DNAH11: variants seen among roughly 807,000 people sequenced by gnomAD.
DNAH11 encodes dynein axonemal heavy chain 11.
DNAH11 carries 442 observed loss-of-function variants against 526.0 expected under a neutral mutation model. The observed-to-expected ratio is 0.84, with a 90% confidence interval of 0.78 to 0.91. The LOEUF (loss-of-function observed/expected upper bound fraction) is 0.91. Ranked by LOEUF, DNAH11 falls within the 40% of genes least tolerant of loss-of-function variation. The pLI, the probability that DNAH11 is intolerant of heterozygous loss-of-function variation, is 0.00. For synonymous variants in DNAH11, 2,461 were observed against 1,935.9 expected (o/e 1.27, Z -7.12); for missense variants, 6,989 against 5,448.7 (o/e 1.28, Z -8.90).
chr7:21,559,341 A>T (rs1357140922), intron 3 of DNAH11, among the ~76,000 whole-genome samples: 1 of 152,226 alleles, frequency 6.6e-6, no homozygotes, highest in Non-Finnish European at 1.5e-5. Flanking sequence ...AAACTGTAGT[A>T]ATTGCCATGC....
rs1178187217 is a variant in DNAH11 at position 21,600,085 on chromosome 7, G to T, written c.2966G>T (p.Arg989Leu). ...NSFRMSAQMNRIATHLEIKNY... is the reference protein window; with the variant it reads ...NSFRMSAQMNLIATHLEIKNY... ...TTTAGAATGTCTGCCCAGATGAACCGAATAGCAACACACCTGGAAATTAAA... is the reference window on the plus strand; with the variant it reads ...TTTAGAATGTCTGCCCAGATGAACCTAATAGCAACACACCTGGAAATTAAA... Residue 989 changes from arginine (R) to leucine (L), a missense_variant, in exon 15 of 82, where the codon CGA becomes CTA. Arg to Leu is a moderately radical substitution (Grantham distance 102). Coordinates refer to ENST00000409508, the MANE Select transcript of DNAH11 (RefSeq NM_001277115.2). 6.4e-7 allele frequency: 1 copy of T among 1,566,766 alleles called. No homozygotes were observed. Among genetic ancestry groups the T allele is most frequent in the African/African-American group, 1.4e-5 (1 of 73,650 alleles).
intron 18 of DNAH11, among the ~76,000 whole-genome samples, chr7:21,603,981 G>A (rs536040323): frequency 2.6e-5 from 4 of 152,276 alleles, no homozygotes; most frequent in African/African-American, 7.2e-5. Context: ...CAGTAATTTA[G>A]ACTTGTCAGG....
At chr7:21,652,455 G>A (rs540098456) in intron 28 of DNAH11, among the ~76,000 whole-genome samples, 1 of 152,342 alleles carries the variant, frequency 6.6e-6, no homozygotes, top group South Asian at 2.1e-4. Flanking sequence ...AAGATGAGAA[G>A]GAGGCAATGC....
At chr7:21,642,269 T>C (rs545975364) in intron 28 of DNAH11, among the ~76,000 whole-genome samples, 7 of 149,872 alleles carry the variant, frequency 4.7e-5, no homozygotes, top group Admixed American at 3.3e-4. Flanking sequence ...TAGAAGTGTT[T>C]AGCAGCCTTT....
chr7:21,878,688 C>T (rs954223931), intron 74 of DNAH11, among the ~76,000 whole-genome samples: 3 of 151,964 alleles, frequency 2.0e-5, no homozygotes, highest in South Asian at 2.1e-4. Context: ...ATTCTAGAAC[C>T]GTATTTGGTG....
intron 62 of DNAH11, among the ~76,000 whole-genome samples, chr7:21,803,057 CTG>C (rs1480546933): frequency 2.0e-5 from 3 of 151,748 alleles, no homozygotes; most frequent in Non-Finnish European, 2.9e-5. Context: ...AGTATAAAGT[CTG>C]TAACTACACT....
intron 44 of DNAH11, among the ~76,000 whole-genome samples, chr7:21,723,080 T>A (rs1784944982): frequency 6.6e-6 from 1 of 152,212 alleles, no homozygotes; most frequent in African/African-American, 2.4e-5. Flanking sequence ...AAAAGGGCTC[T>A]AACTACAGAG....
At chr7:21,780,776 C>A (rs1374089970) in intron 57 of DNAH11, among the ~76,000 whole-genome samples, 1 of 152,110 alleles carries the variant, frequency 6.6e-6, no homozygotes, top group Non-Finnish European at 1.5e-5. Flanking sequence ...TTCATTTTAT[C>A]CATGGAGCTG....
Position 21,875,877 on chromosome 7 carries a change from C to CTTTTTT in DNAH11, c.12195+2395_12195+2400dup, listed in dbSNP as rs35349937. Reference sequence around the variant, plus strand: ...TTAGGAACTTCAAGGAAGAATATTTCTTTTTTTTTTTTTTTTTTTTTTTTG... The same window carrying CTTTTTT: ...TTAGGAACTTCAAGGAAGAATATTTCTTTTTTTTTTTTTTTTTTTTTTTTTTTTTTG... On this transcript the variant is annotated intron_variant, in intron 74 of 81. Coordinates refer to ENST00000409508, the MANE Select transcript of DNAH11 (RefSeq NM_001277115.2). Among the ~76,000 whole-genome samples, 36 of 78,916 alleles carry CTTTTTT rather than the reference C, an allele frequency of 4.6e-4. 3 individuals are homozygous for CTTTTTT. The highest frequency in any genetic ancestry group is 6.9e-4 in the African/African-American group (13 of 18,956). The allele number at this position is 78,916 out of a possible 152,430, so 51.8% of individuals were successfully genotyped here. A position where few individuals can be genotyped will look rare whatever the true frequency, so the allele number is the denominator to read the frequency against.
intron 30 of DNAH11, among the ~76,000 whole-genome samples, chr7:21,670,675 C>T (rs1782609162): frequency 1.3e-5 from 2 of 152,116 alleles, no homozygotes; most frequent in South Asian, 4.2e-4. Context: ...TGGAGATGCC[C>T]CTTATCAGAT....
Position 21,807,907 on chromosome 7 carries a change from T to C in DNAH11, c.10190T>C (p.Ile3397Thr). The change falls in exon 63 of 82, where the codon ATT becomes ACT. Residue 3397 changes from isoleucine (I) to threonine (T), a missense_variant. Transcript: ENST00000409508. ...GAGAAGATTCGCTGGGGTCAATCCATTAAGTCCTTTGAAGCTCAAGAGAAG... is the reference window on the plus strand; with the variant it reads ...GAGAAGATTCGCTGGGGTCAATCCACTAAGTCCTTTGAAGCTCAAGAGAAG... Reference protein sequence around the residue: ...EAKKIRWGQSIKSFEAQEKTL... With the variant: ...EAKKIRWGQSTKSFEAQEKTL... 6.2e-7 allele frequency: 1 copy of C among 1,605,828 alleles called. No individual in the cohort carries two copies. Among genetic ancestry groups the C allele is most frequent in the Non-Finnish European group, 8.5e-7 (1 of 1,173,808 alleles).
intron 25 of DNAH11, among the ~76,000 whole-genome samples, chr7:21,630,281 G>A (rs6961206): frequency 0.55 from 83,667 of 151,824 alleles, 23,456 homozygotes; most frequent in Middle Eastern, 0.68. Context: ...TCTCTTAACC[G>A]TTTGCTGTAG....
At chr7:21,680,833 A>C (rs908342040) in intron 30 of DNAH11, among the ~76,000 whole-genome samples, 1 of 152,222 alleles carries the variant, frequency 6.6e-6, no homozygotes, top group Non-Finnish European at 1.5e-5. Flanking sequence ...GCAAACACAA[A>C]TTGTTAGGTG....
intron 2 of DNAH11, among the ~76,000 whole-genome samples, chr7:21,548,186 G>C (rs1172795466): frequency 7.7e-6 from 1 of 129,702 alleles, no homozygotes; most frequent in African/African-American, 3.0e-5. Flanking sequence ...ATCTGGGGCG[G>C]TATTCTTGGG....
At chr7:21,687,661 G>A in intron 34 of DNAH11, 134 bp downstream of exon 34, 1 of 1,163,096 alleles carries the variant, frequency 8.6e-7, no homozygotes, top group Non-Finnish European at 1.2e-6. Context: ...GTCGATTTGG[G>A]GGAATTATTT....
At chr7:21,545,802 T>C (rs1204048183) in intron 2 of DNAH11, among the ~76,000 whole-genome samples, 1 of 152,234 alleles carries the variant, frequency 6.6e-6, no homozygotes, top group East Asian at 1.9e-4. Context: ...TCTAACCTGT[T>C]GCTGATGCTC....
At chr7:21,713,388 C>A (rs1167068335) in intron 42 of DNAH11, among the ~76,000 whole-genome samples, 1 of 152,114 alleles carries the variant, frequency 6.6e-6, no homozygotes, top group Non-Finnish European at 1.5e-5. Context: ...ACAGTGAGGT[C>A]AGGCTGTTTA....
chr7:21,745,397 A>T lies in DNAH11; in HGVS notation c.8510+334A>T, dbSNP rs376827770. Among the ~76,000 whole-genome samples the T allele has an allele frequency of 3.9e-5, 6 of 152,242 alleles. No homozygotes were observed. In the East Asian group the frequency reaches 1.2e-3, roughly 29 times the overall value. On this transcript the variant is annotated intron_variant, in intron 51 of 81. Transcript: ENST00000409508. The stretch of plus-strand genomic sequence containing the variant: ...TTAAGCAGGTTTTGTTGAGTGCCAG[A>T]TAGGAACATTGCCAGCCTTTCAGCA...
At chr7:21,724,031 T>C (rs1784981550) in intron 44 of DNAH11, among the ~76,000 whole-genome samples, 1 of 152,236 alleles carries the variant, frequency 6.6e-6, no homozygotes, top group African/African-American at 2.4e-5. Flanking sequence ...AGAGACTCTG[T>C]TGGTTTTCTT....
Sources: allele counts gnomAD v4.1 joint callset (sites outside exome capture counted in the v4.1 genomes callset), GRCh38; gene constraint gnomAD v4.1.1; transcripts MANE v1.5; gene names NCBI Gene and HGNC (gene_info 2026-07-23, HGNC 2026-07-21).